Variants in C1orf87 observed in about 807,000 individuals in gnomAD.
The protein encoded by C1orf87 is chromosome 1 open reading frame 87, also known as uncharacterized protein C1orf87.
A neutral mutation model predicts 60.5 loss-of-function variants in C1orf87; 58 were observed. The ratio of observed to expected loss-of-function variants is 0.96; its 90% confidence interval spans 0.78 to 1.19. C1orf87 has a LOEUF of 1.19. Among genes scored for constraint, C1orf87 ranks in the 50% most tolerant of loss-of-function variants. The pLI is 0.00. For missense variants in C1orf87, 673 were observed against 638.6 expected, an observed-to-expected ratio of 1.05 and a Z score of -0.58; for synonymous variants, 236 against 227.4, an observed-to-expected ratio of 1.04 and a Z score of -0.34.
At chr1:60,024,342 G>A (rs1048344968) in intron 8 of C1orf87, among the ~76,000 whole-genome samples, 11 of 152,104 alleles carry the variant, frequency 7.2e-5, no homozygotes, top group African/African-American at 2.7e-4. Flanking sequence ...GGGTAATTTG[G>A]CACCATTATT....
At chr1:60,023,767 T>G (rs540644872) in intron 8 of C1orf87, among the ~76,000 whole-genome samples, 1 of 152,324 alleles carries the variant, frequency 6.6e-6, no homozygotes, top group Admixed American at 6.5e-5. Flanking sequence ...ACATTTAGTC[T>G]TCATGTCTTC....
At chr1:60,014,684 G>T in intron 8 of C1orf87, among the ~76,000 whole-genome samples, 1 of 152,214 alleles carries the variant, frequency 6.6e-6, no homozygotes, top group Middle Eastern at 3.4e-3. Context: ...GTTTGCTGGT[G>T]TTCACCTCCC....
At chr1:59,995,381 T>C (rs1238570437) in intron 11 of C1orf87, among the ~76,000 whole-genome samples, 1 of 152,214 alleles carries the variant, frequency 6.6e-6, no homozygotes, top group Non-Finnish European at 1.5e-5. Context: ...ATCTCAGCTT[T>C]CATTATGCCT....
rs778964326 is a variant in C1orf87 at position 60,001,165 on chromosome 1, G to T, written c.1193-9C>A. On this transcript the variant is annotated splice_polypyrimidine_tract_variant and intron_variant, in intron 9 of 11. Coordinates refer to ENST00000371201, the MANE Select transcript of C1orf87 (RefSeq NM_152377.3). ...TTTCTTTTCATTCTTCCCTGAACAA[G>T]AATAAAAAAAAAAAAAGGAAGGGTT... 2.8e-6 allele frequency: 4 copies of T among 1,426,056 alleles called. No homozygotes were observed. Among genetic ancestry groups the T allele is most frequent in the Non-Finnish European group, 1.8e-6 (2 of 1,090,162 alleles). 88.3% of individuals were successfully genotyped at this position (1,426,056 alleles called of 1,614,324 possible).
intron 7 of C1orf87, among the ~76,000 whole-genome samples, chr1:60,027,046 A>T (rs1030294137): frequency 1.3e-5 from 2 of 152,202 alleles, no homozygotes; most frequent in Non-Finnish European, 2.9e-5. Flanking sequence ...TCTGGTCCCA[A>T]ATATTTCAGA....
intron 3 of C1orf87, among the ~76,000 whole-genome samples, chr1:60,044,268 G>T (rs112017131): frequency 7.9e-5 from 12 of 152,240 alleles, no homozygotes; most frequent in African/African-American, 2.6e-4. Context: ...CTGACCTCGT[G>T]ATCTGCCCGC....
At chr1:59,999,043 C>T (rs1644983151) in intron 10 of C1orf87, among the ~76,000 whole-genome samples, 1 of 152,152 alleles carries the variant, frequency 6.6e-6, no homozygotes, top group Non-Finnish European at 1.5e-5. Context: ...GTTCCCCCAA[C>T]TTTCAAATGT....
chr1:60,001,263 C>T (rs1366656247), intron 9 of C1orf87, 107 bp from the exon 10 acceptor site: 4 of 834,266 alleles, frequency 4.8e-6, no homozygotes, highest in Non-Finnish European at 7.0e-6. Flanking sequence ...AAAATGGAGG[C>T]TTTGCTCTGT....
chr1:60,065,356 T>C (rs951745081), intron 2 of C1orf87, among the ~76,000 whole-genome samples: 2 of 151,924 alleles, frequency 1.3e-5, no homozygotes, highest in African/African-American at 4.8e-5. Context: ...GGAGGAAGGC[T>C]GGGCTAGTCT....
intron 9 of C1orf87, among the ~76,000 whole-genome samples, chr1:60,007,715 C>T (rs1464627996): frequency 1.3e-5 from 2 of 151,962 alleles, no homozygotes; most frequent in African/African-American, 4.8e-5. Flanking sequence ...AAAGTAGACT[C>T]TCCTTGTCAT....
chr1:60,018,484 A>G (rs1307971364), intron 8 of C1orf87, among the ~76,000 whole-genome samples: 1 of 151,980 alleles, frequency 6.6e-6, no homozygotes, highest in Admixed American at 6.5e-5. Flanking sequence ...TTGGTCTCAT[A>G]TTCCCGATTC....
Position 60,073,210 on chromosome 1 carries a change from A to G in C1orf87, c.-28+480T>C, listed in dbSNP as rs144918324. Among the ~76,000 whole-genome samples the G allele has an allele frequency of 2.2e-3, 337 of 152,336 alleles. 1 individual carries two copies. Among genetic ancestry groups the G allele is most frequent in the African/African-American group, 7.6e-3 (317 of 41,568 alleles). On this transcript the variant is annotated intron_variant, in intron 1 of 11. Coordinates refer to ENST00000371201, the MANE Select transcript of C1orf87 (RefSeq NM_152377.3). ...ACAAGACAGACAGACTTTTGTTGTT[A>G]TCACTGATCTCTTTCTACAACAATA...
At chr1:60,038,958 G>T (rs1247263420) in intron 5 of C1orf87, among the ~76,000 whole-genome samples, 1 of 152,134 alleles carries the variant, frequency 6.6e-6, no homozygotes, top group East Asian at 1.9e-4. Context: ...AGAAAATTTG[G>T]TTGAACTGAA....
At chr1:60,040,644 G>A (rs553103706) in intron 4 of C1orf87, among the ~76,000 whole-genome samples, 2 of 152,224 alleles carry the variant, frequency 1.3e-5, no homozygotes, top group African/African-American at 4.8e-5. Context: ...AGCATGAGGA[G>A]TTCGGTTGAA....
At chr1:60,007,812 G>T (rs1219500317) in intron 9 of C1orf87, among the ~76,000 whole-genome samples, 1 of 151,934 alleles carries the variant, frequency 6.6e-6, no homozygotes, top group African/African-American at 2.4e-5. Flanking sequence ...GATTCTTAAT[G>T]ATATAAATTT....
chr1:60,044,535 C>T (rs886876121), intron 3 of C1orf87, among the ~76,000 whole-genome samples: 1 of 151,956 alleles, frequency 6.6e-6, no homozygotes, highest in African/African-American at 2.4e-5. Context: ...CTGGCTGACA[C>T]CCCCCCACAT....
chr1:60,033,098 C>G (rs1197730676), intron 7 of C1orf87, among the ~76,000 whole-genome samples: 1 of 152,140 alleles, frequency 6.6e-6, no homozygotes, highest in Non-Finnish European at 1.5e-5. Context: ...ACATCGGTCC[C>G]TAAAATTTGG....
rs1557470414 is a variant in C1orf87, at chr1:60,038,019, G to A, written c.836C>T (p.Thr279Ile). 1.9e-6 allele frequency: 3 copies of A among 1,610,284 alleles called. No individual in the cohort carries two copies. The highest frequency in any genetic ancestry group is 2.5e-6 in the Non-Finnish European group (3 of 1,177,248). Residue 279 changes from threonine to isoleucine, a missense_variant, in exon 6 of 12, where the codon ACT becomes ATT. Physicochemically the swap from Thr to Ile is moderately conservative, Grantham distance 89 (BLOSUM62 -1). Transcript: ENST00000371201. ...QNKAAADLRK[T>I]ESHGTHSQST... Reference sequence around the variant, plus strand: ...TTGGCTATGAGTGCCATGACTCTCAGTTTTTCTCAGGTCTGCAGCTGCTTT... The same window carrying A: ...TTGGCTATGAGTGCCATGACTCTCAATTTTTCTCAGGTCTGCAGCTGCTTT...
At chr1:60,007,408 T>A (rs1158493636) in intron 9 of C1orf87, among the ~76,000 whole-genome samples, 1 of 152,008 alleles carries the variant, frequency 6.6e-6, no homozygotes, top group Non-Finnish European at 1.5e-5. Context: ...TTTTATAGAT[T>A]CAAATTCTTT....
Sources: allele counts gnomAD v4.1 joint callset (sites outside exome capture counted in the v4.1 genomes callset), GRCh38; gene constraint gnomAD v4.1.1; transcripts MANE v1.5; gene names NCBI Gene and HGNC (gene_info 2026-07-23, HGNC 2026-07-21).